KIF20B: variants seen among roughly 807,000 people sequenced by gnomAD.
KIF20B encodes the protein kinesin-like protein KIF20B.
A neutral mutation model predicts 232.5 loss-of-function variants in KIF20B; 188 were observed. That is an observed-to-expected ratio of 0.81 (90% CI 0.72 to 0.91). The LOEUF (loss-of-function observed/expected upper bound fraction) is 0.91. Ranked by LOEUF, KIF20B falls within the 40% of genes least tolerant of loss-of-function variation. KIF20B has a pLI of 0.00. For synonymous variants in KIF20B, 712 were observed against 683.0 expected (o/e 1.04, Z -0.66); for missense variants, 2,154 against 2,055.9 (o/e 1.05, Z -0.92).
rs1366329188 is a variant in KIF20B, at chr10:89,717,688, T to C, written c.1237T>C (p.Cys413Arg). Residue 413 changes from cysteine (C) to arginine (R), a missense_variant, in exon 11 of 33, where the codon TGT becomes CGT. Cys to Arg is a radical substitution (Grantham distance 180). Coordinates refer to ENST00000371728, the MANE Select transcript of KIF20B (RefSeq NM_001284259.2). ...INTSLLTLGK[C>R]INVLKNSEKS... ...CACTTCTTTATTGACTCTGGGAAAGTGTATTAACGTCTTGAAGAATAGTGA... is the reference window on the plus strand; with the variant it reads ...CACTTCTTTATTGACTCTGGGAAAGCGTATTAACGTCTTGAAGAATAGTGA... 6.2e-7 allele frequency: 1 copy of C among 1,605,906 alleles called. No homozygotes were observed. Among genetic ancestry groups the C allele is most frequent in the Non-Finnish European group, 8.5e-7 (1 of 1,175,548 alleles).
chr10:89,749,532 A>G (rs1841983344), intron 23 of KIF20B, among the ~76,000 whole-genome samples: 1 of 152,090 alleles, frequency 6.6e-6, no homozygotes, highest in African/African-American at 2.4e-5. Flanking sequence ...GTCACTTCAA[A>G]AAGAAACCCT....
chr10:89,765,943 T>C (rs1343682588), intron 29 of KIF20B, among the ~76,000 whole-genome samples: 1 of 152,092 alleles, frequency 6.6e-6, no homozygotes, highest in African/African-American at 2.4e-5. Context: ...CATTTTTTCC[T>C]TCATTTTGAC....
intron 19 of KIF20B, 121 bp downstream of exon 19, chr10:89,733,177 G>T (rs74995089): frequency 1.0e-6 from 1 of 978,518 alleles, no homozygotes; most frequent in Admixed American, 2.6e-5. Flanking sequence ...AAATCTAAAC[G>T]TCTTGAATTT....
At chr10:89,768,441 T>C in intron 30 of KIF20B, 50 bp downstream of exon 30, 1 of 1,084,282 alleles carries the variant, frequency 9.2e-7, no homozygotes, top group Non-Finnish European at 1.4e-6. Context: ...AGAAATCCAG[T>C]TGTGTTCAAT....
intron 8 of KIF20B, 46 bp downstream of exon 8, chr10:89,715,228 C>T: frequency 7.9e-7 from 1 of 1,258,702 alleles, no homozygotes; most frequent in Non-Finnish European, 1.1e-6. Flanking sequence ...AGTTCTCTTC[C>T]TGGGCTTTGT....
intron 15 of KIF20B, 61 bp downstream of exon 15, chr10:89,725,219 C>T: frequency 2.1e-6 from 3 of 1,425,524 alleles, no homozygotes; most frequent in Non-Finnish European, 2.9e-6. Flanking sequence ...GTTTAGTGTA[C>T]CACATCAATG....
intron 2 of KIF20B, among the ~76,000 whole-genome samples, chr10:89,708,331 C>T (rs536625618): frequency 6.6e-6 from 1 of 152,198 alleles, no homozygotes; most frequent in South Asian, 2.1e-4. Context: ...CCTGCCTTAG[C>T]CTCCCAAGTA....
chr10:89,729,084 C>G, intron 17 of KIF20B, 44 bp from the exon 18 acceptor site: 1 of 1,285,850 alleles, frequency 7.8e-7, no homozygotes, highest in Non-Finnish European at 1.0e-6. Context: ...TTCTAGTTAT[C>G]CTAAAGTATA....
chr10:89,772,428 T>C (rs954394240), intron 31 of KIF20B, among the ~76,000 whole-genome samples: 1 of 152,094 alleles, frequency 6.6e-6, no homozygotes, highest in Non-Finnish European at 1.5e-5. Flanking sequence ...TGAGGTTTTT[T>C]ACTACATTGA....
chr10:89,758,805 G>A lies in KIF20B; in HGVS notation c.4603G>A (p.Ala1535Thr), dbSNP rs958867812. ...LVAALEIQLKALISSNVQKDN... is the reference protein window; with the variant it reads ...LVAALEIQLKTLISSNVQKDN... Reference sequence around the variant, plus strand: ...TGCAGCTTTAGAAATACAGCTAAAAGCACTGATATCCAGTAATGTACAGAA... The same window carrying A: ...TGCAGCTTTAGAAATACAGCTAAAAACACTGATATCCAGTAATGTACAGAA... The change falls in exon 27 of 33, where the codon GCA becomes ACA. Residue 1535 changes from alanine to threonine, a missense_variant. Transcript: ENST00000371728. The A allele has an allele frequency of 6.2e-7, 1 of 1,607,094 alleles. No homozygotes were observed. Among genetic ancestry groups the A allele is most frequent in the Non-Finnish European group, 8.5e-7 (1 of 1,176,440 alleles).
intron 20 of KIF20B, 52 bp downstream of exon 20, chr10:89,738,669 G>T: frequency 6.7e-7 from 1 of 1,487,618 alleles, no homozygotes; most frequent in Non-Finnish European, 8.9e-7. Flanking sequence ...CATTCATTTT[G>T]CTATGCAGCT....
intron 29 of KIF20B, among the ~76,000 whole-genome samples, chr10:89,767,057 A>T (rs1842377002): frequency 6.6e-6 from 1 of 152,020 alleles, no homozygotes; most frequent in Non-Finnish European, 1.5e-5. Context: ...TTGTAGATAC[A>T]TCATGTAGAA....
In KIF20B at chr10:89,706,669, A is replaced by C. The variant is rs577942509; in HGVS notation, c.147+1228A>C. On this transcript the variant is annotated intron_variant, in intron 2 of 32. Transcript: ENST00000371728. The stretch of plus-strand genomic sequence containing the variant: ...TAACTACATAAGTAGTTATTTCAGC[A>C]TTATCTATTGAAAAGACTTTCCTTT... Among the ~76,000 whole-genome samples the C allele has an allele frequency of 3.3e-5, 5 of 150,646 alleles. No homozygotes were observed. In the South Asian group the frequency reaches 1.0e-3, roughly 32 times the overall value.
chr10:89,738,377 A>T lies in KIF20B; in HGVS notation c.3536A>T (p.His1179Leu). ...ILETQKVECS[H>L]SAKLEQDILE... ...GAGACTCAGAAAGTTGAATGTAGTCATTCAGCCAAGTTAGAACAAGACATT... is the reference window on the plus strand; with the variant it reads ...GAGACTCAGAAAGTTGAATGTAGTCTTTCAGCCAAGTTAGAACAAGACATT... Residue 1179 changes from histidine (H) to leucine (L), a missense_variant, in exon 20 of 33, where the codon CAT becomes CTT. Coordinates refer to ENST00000371728, the MANE Select transcript of KIF20B (RefSeq NM_001284259.2). 6.2e-7 allele frequency: 1 copy of T among 1,606,590 alleles called. No homozygotes were observed.
intron 13 of KIF20B, among the ~76,000 whole-genome samples, chr10:89,720,483 G>A (rs1161515146): frequency 6.6e-6 from 1 of 151,976 alleles, no homozygotes; most frequent in African/African-American, 2.4e-5. Flanking sequence ...TTATCTGTGG[G>A]GTGTTACTTA....
intron 29 of KIF20B, among the ~76,000 whole-genome samples, chr10:89,767,561 C>T (rs985363109): frequency 6.6e-5 from 10 of 151,832 alleles, no homozygotes; most frequent in African/African-American, 1.5e-4. Flanking sequence ...CTCTTCTTGC[C>T]CCCTTTTTCC....
chr10:89,702,207 G>T (rs564935308), intron 1 of KIF20B, among the ~76,000 whole-genome samples: 1 of 152,250 alleles, frequency 6.6e-6, no homozygotes, highest in Non-Finnish European at 1.5e-5. Flanking sequence ...CCTTTTTGCG[G>T]GGGGAGCCCT....
intron 28 of KIF20B, among the ~76,000 whole-genome samples, chr10:89,761,930 A>G (rs1342371035): frequency 2.0e-5 from 3 of 152,132 alleles, no homozygotes; most frequent in Admixed American, 6.6e-5. Flanking sequence ...GCTATTTTGT[A>G]TGTTCTTGCC....
chr10:89,751,413 G>C lies in KIF20B; in HGVS notation c.4164G>C (p.Gln1388His), dbSNP rs1172688767. 4 of 1,609,426 alleles carry C rather than the reference G, an allele frequency of 2.5e-6. No homozygotes were observed. The highest frequency in any genetic ancestry group is 3.4e-6 in the Non-Finnish European group (4 of 1,177,816). Residue 1388 changes from glutamine (Q) to histidine (H), a missense_variant, in exon 24 of 33, where the codon CAG becomes CAC. Coordinates refer to ENST00000371728, the MANE Select transcript of KIF20B (RefSeq NM_001284259.2). ...CACTAGAAGAACAGGAACAAACTCA[G>C]GTAGAACAGGATCAAGTGCTTGAGG... ...RMTLEEQEQT[Q>H]VEQDQVLEAK... is the part of the protein sequence containing the mutation.
Sources: allele counts gnomAD v4.1 joint callset (sites outside exome capture counted in the v4.1 genomes callset), GRCh38; gene constraint gnomAD v4.1.1; transcripts MANE v1.5; gene names NCBI Gene and HGNC (gene_info 2026-07-23, HGNC 2026-07-21).